TBC1D1: variants seen among roughly 807,000 people sequenced by gnomAD.
The protein encoded by TBC1D1 is TBC1 domain family member 1, also known as TBC1 (tre-2/USP6, BUB2, cdc16) domain family, member 1.
In TBC1D1, 89 loss-of-function variants were observed where a neutral mutation model predicts 125.6. That is an observed-to-expected ratio of 0.71 (90% CI 0.60 to 0.85). The LOEUF (loss-of-function observed/expected upper bound fraction) is 0.85, where lower values mean the gene tolerates loss of function less well. TBC1D1 is among the 40% of genes least tolerant of loss of function. The pLI is 0.00. For synonymous variants in TBC1D1, 565 were observed against 564.1 expected, an observed-to-expected ratio of 1.00 and a Z score of -0.02; for missense variants, 1,377 against 1,469.2, an observed-to-expected ratio of 0.94 and a Z score of 1.03.
chr4:37,957,712 C>T (rs1396084137), intron 2 of TBC1D1, among the ~76,000 whole-genome samples: 3 of 152,172 alleles, frequency 2.0e-5, no homozygotes, highest in Admixed American at 2.0e-4. Flanking sequence ...TATCCTACAC[C>T]ACTTTTTCAT....
chr4:38,110,117 C>T (rs185858578), intron 15 of TBC1D1: 1 of 808,098 alleles, frequency 1.2e-6, no homozygotes, highest in East Asian at 1.3e-4. Context: ...CCTCTGGCCT[C>T]TTGTAGCAGC....
intron 12 of TBC1D1, among the ~76,000 whole-genome samples, chr4:38,070,683 AC>A (rs943540127): frequency 4.5e-4 from 69 of 152,354 alleles, no homozygotes; most frequent in African/African-American, 1.4e-3. Context: ...TGTAAAAAAA[AC>A]ATACACATGG....
chr4:38,113,037 C>A (rs1026921656), intron 15 of TBC1D1, among the ~76,000 whole-genome samples: 2 of 152,150 alleles, frequency 1.3e-5, no homozygotes, highest in Non-Finnish European at 2.9e-5. Context: ...TCATAACATA[C>A]CACTCGGTAG....
At chr4:38,087,357 GCCTCTACTGTTA>G (rs1757664660) in intron 12 of TBC1D1, among the ~76,000 whole-genome samples, 1 of 152,228 alleles carries the variant, frequency 6.6e-6, no homozygotes. Context: ...GGGACAAACA[GCCTCTACTGTTA>G]GGAATGTTCC....
At chr4:37,894,906 A>G (rs1468452716) in intron 1 of TBC1D1, among the ~76,000 whole-genome samples, 1 of 152,202 alleles carries the variant, frequency 6.6e-6, no homozygotes, top group Non-Finnish European at 1.5e-5. Context: ...ACAGATATAG[A>G]TTCAAATGCC....
intron 15 of TBC1D1, chr4:38,110,620 G>T (rs1050293419): frequency 1.0e-6 from 1 of 985,410 alleles, no homozygotes; most frequent in Non-Finnish European, 1.2e-6. Flanking sequence ...TTATAAAGGG[G>T]TTTTTTAATG....
intron 12 of TBC1D1, 66 bp from the exon 15 acceptor site, chr4:38,089,866 C>A: frequency 7.0e-7 from 1 of 1,436,252 alleles, no homozygotes; most frequent in Non-Finnish European, 9.3e-7. Context: ...GCTGATTTGA[C>A]ACTGTGTTTG....
At chr4:38,036,065 G>C (rs1747150291) in intron 8 of TBC1D1, among the ~76,000 whole-genome samples, 1 of 152,132 alleles carries the variant, frequency 6.6e-6, no homozygotes, top group Non-Finnish European at 1.5e-5. Context: ...GCTGCCTTTG[G>C]AATTACAAAA....
intron 2 of TBC1D1, among the ~76,000 whole-genome samples, chr4:37,969,127 A>G (rs1229458547): frequency 6.6e-6 from 1 of 152,120 alleles, no homozygotes; most frequent in Non-Finnish European, 1.5e-5. Flanking sequence ...TCTGATCTTA[A>G]CTGTGTGTCC....
chr4:37,954,084 A>T (rs1560524776), intron 2 of TBC1D1, among the ~76,000 whole-genome samples: 1 of 152,178 alleles, frequency 6.6e-6, no homozygotes, highest in Non-Finnish European at 1.5e-5. Flanking sequence ...GAGTGGCTGG[A>T]TCTAAATCAC....
chr4:37,977,690 A>T lies in TBC1D1; in HGVS notation c.418-36819A>T, dbSNP rs1195861395. Among the ~76,000 whole-genome samples, 2 of 151,836 alleles carry T rather than the reference A, an allele frequency of 1.3e-5. No homozygotes were observed. Among genetic ancestry groups the T allele is most frequent in the Non-Finnish European group, 2.9e-5 (2 of 67,878 alleles). ...CCAGGTCGTTAGCCGCGCGTTTCTC[A>T]TTCATTAGTCTCCCAGATCCCTGTG... is the stretch of plus-strand genomic sequence containing the variant. On this transcript the variant is annotated intron_variant, in intron 2 of 19. Transcript: ENST00000261439. This position sits in a 1 kb window ranked among gnomAD's most constrained non-coding sequence, Gnocchi z 4.3.
chr4:38,118,373 C>A, intron 17 of TBC1D1, 181 bp downstream of exon 19: 1 of 620,908 alleles, frequency 1.6e-6, no homozygotes, highest in Non-Finnish European at 2.7e-6. Context: ...TCCTTAACTT[C>A]TGATAATCAC....
rs536555201 is a variant in TBC1D1 at position 38,053,252 on chromosome 4, C to T, written c.1911-947C>T. On this transcript the variant is annotated intron_variant, in intron 11 of 19. Coordinates refer to ENST00000261439, the MANE Select transcript of TBC1D1 (RefSeq NM_015173.4). Reference sequence around the variant, plus strand: ...TAGGGCTTAATTTAGATATATCAAGCCTGGGTGTTACTAAGTGTTGAATAT... The same window carrying T: ...TAGGGCTTAATTTAGATATATCAAGTCTGGGTGTTACTAAGTGTTGAATAT... The T allele has an allele frequency of 1.5e-5, 22 of 1,442,902 alleles. No individual in the cohort carries two copies. In the South Asian group the frequency reaches 2.7e-4, roughly 18 times the overall value. 89.4% of individuals were successfully genotyped at this position (1,442,902 alleles called of 1,614,324 possible). A position where few individuals can be genotyped will look rare whatever the true frequency, so the allele number is the denominator to read the frequency against.
At chr4:37,960,914 G>C in intron 2 of TBC1D1, 1 of 1,614,184 alleles carries the variant, frequency 6.2e-7, no homozygotes, top group Non-Finnish European at 8.5e-7. Context: ...AGCTGTTTCA[G>C]CTGGGCCCCC....
intron 2 of TBC1D1, among the ~76,000 whole-genome samples, chr4:37,925,846 T>C (rs1721999724): frequency 6.6e-6 from 1 of 152,208 alleles, no homozygotes; most frequent in Admixed American, 6.5e-5. Flanking sequence ...AATAATATGT[T>C]ATCATCAATT....
chr4:38,114,271 TCTGGGGGAGATTTA>T (rs774894195), intron 15 of TBC1D1, among the ~76,000 whole-genome samples: 2 of 152,100 alleles, frequency 1.3e-5, no homozygotes, highest in Non-Finnish European at 2.9e-5. Context: ...GCAGGGTATA[TCTGGGGGAGATTTA>T]CTGGGGGAAG....
intron 3 of TBC1D1, among the ~76,000 whole-genome samples, chr4:38,015,479 GA>G (rs897429761): frequency 5.5e-5 from 8 of 146,666 alleles, no homozygotes; most frequent in Non-Finnish European, 9.0e-5. Context: ...TTTTTTTTTA[GA>G]AAAAAAGTGT....
At chr4:38,113,850 A>G (rs895609593) in intron 15 of TBC1D1, among the ~76,000 whole-genome samples, 1 of 152,272 alleles carries the variant, frequency 6.6e-6, no homozygotes, top group African/African-American at 2.4e-5. Flanking sequence ...GCATGAAAAA[A>G]GAATGCCTAA....
chr4:38,091,311 C>T (rs1758385349), intron 13 of TBC1D1, among the ~76,000 whole-genome samples: 1 of 152,254 alleles, frequency 6.6e-6, no homozygotes, highest in African/African-American at 2.4e-5. Context: ...CGGGTCCTCT[C>T]ATCAGGGTGC....
Sources: allele counts gnomAD v4.1 joint callset (sites outside exome capture counted in the v4.1 genomes callset), GRCh38; gene constraint gnomAD v4.1.1; non-coding constraint Gnocchi (gnomAD v3.1); transcripts MANE v1.5; gene names NCBI Gene and HGNC (gene_info 2026-07-23, HGNC 2026-07-21).